TRAF3IP2: variants seen among roughly 807,000 people sequenced by gnomAD.
The protein encoded by TRAF3IP2 is TRAF3 interacting protein 2, also known as E3 ubiquitin ligase TRAF3IP2.
A neutral mutation model predicts 57.9 loss-of-function variants in TRAF3IP2; 35 were observed. The ratio of observed to expected loss-of-function variants is 0.60; its 90% CI spans 0.46 to 0.80. The LOEUF (loss-of-function observed/expected upper bound fraction) is 0.80, where lower values mean the gene tolerates loss of function less well. Ranked by LOEUF, TRAF3IP2 falls within the 30% of genes least tolerant of loss-of-function variation. TRAF3IP2 has a pLI of 0.00. For missense variants in TRAF3IP2, 556 were observed against 706.4 expected, an observed-to-expected ratio of 0.79 and a Z score of 2.41; for synonymous variants, 251 against 268.9, an observed-to-expected ratio of 0.93 and a Z score of 0.65.
At chr6:111,595,843 A>AAGG (rs1198511657) in intron 1 of TRAF3IP2, among the ~76,000 whole-genome samples, 3 of 151,890 alleles carry the variant, frequency 2.0e-5, no homozygotes, top group Non-Finnish European at 4.4e-5. Context: ...AAAAAAAAAA[A>AAGG]AGGAGGTATG....
intron 4 of TRAF3IP2, 144 bp from the exon 5 acceptor site, chr6:111,573,127 A>T: frequency 1.5e-6 from 1 of 662,822 alleles, no homozygotes; most frequent in South Asian, 1.9e-5. Context: ...GCTTATGCCT[A>T]CGTTGTATGC....
chr6:111,567,020 A>G, intron 6 of TRAF3IP2: 1 of 219,614 alleles, frequency 4.6e-6, no homozygotes, highest in Non-Finnish European at 8.2e-6. Flanking sequence ...AGCAAACATC[A>G]GGCTGCAGAC....
intron 1 of TRAF3IP2, among the ~76,000 whole-genome samples, chr6:111,603,111 CAA>C (rs1000777534): frequency 1.1e-4 from 15 of 142,820 alleles, no homozygotes; most frequent in African/African-American, 3.1e-4. Flanking sequence ...CACACACACA[CAA>C]GGCGTGCACA....
chr6:111,572,829 C>T (rs757147376), intron 5 of TRAF3IP2, 66 bp downstream of exon 5: 3 of 1,260,214 alleles, frequency 2.4e-6, no homozygotes, highest in Admixed American at 1.8e-5. Context: ...ACTTTTTCTT[C>T]TGCTGCTTTT....
At chr6:111,562,338 T>C (rs1489354255) in intron 8 of TRAF3IP2, among the ~76,000 whole-genome samples, 1 of 152,246 alleles carries the variant, frequency 6.6e-6, no homozygotes, top group Non-Finnish European at 1.5e-5. Context: ...ATCTTGACTT[T>C]TATGTACAAG....
At chr6:111,594,616 A>G in intron 1 of TRAF3IP2, 1 of 388,272 alleles carries the variant, frequency 2.6e-6, no homozygotes, top group Non-Finnish European at 5.1e-6. Context: ...GGAATTCTTC[A>G]GTTAAAACTG....
intron 1 of TRAF3IP2, among the ~76,000 whole-genome samples, chr6:111,604,346 C>A (rs1583252649): frequency 6.6e-6 from 1 of 152,204 alleles, no homozygotes; most frequent in Non-Finnish European, 1.5e-5. Flanking sequence ...AGTTTCCCTT[C>A]CCCTCCCATT....
rs1325434729 is a variant in TRAF3IP2 at position 111,559,186 on chromosome 6, A to G, written c.*219T>C. 7.9e-6 allele frequency: 4 copies of G among 503,528 alleles called. No individual in the cohort carries two copies. The highest frequency in any genetic ancestry group is 1.4e-5 in the Non-Finnish European group (4 of 293,974). The allele number at this position is 503,528 out of a possible 1,614,324, so 31.2% of individuals were successfully genotyped here. A position where few individuals can be genotyped will look rare whatever the true frequency, so the allele number is the denominator to read the frequency against. On this transcript the variant is annotated 3_prime_UTR_variant, in exon 9 of 9. Coordinates refer to ENST00000368761, the MANE Select transcript of TRAF3IP2 (RefSeq NM_147686.4). ...CACCTGCAATGGTTTTTTTAAAAGC[A>G]GAGAATGCAGAGCAGTCACAGACTC...
chr6:111,603,812 C>G (rs1014388681), intron 1 of TRAF3IP2, among the ~76,000 whole-genome samples: 1 of 152,176 alleles, frequency 6.6e-6, no homozygotes, highest in African/African-American at 2.4e-5. Flanking sequence ...TTACTCAGAC[C>G]TCACTTCTGT....
chr6:111,574,688 C>T (rs975180696), intron 4 of TRAF3IP2: 2 of 152,172 alleles, frequency 1.3e-5, no homozygotes, highest in African/African-American at 4.8e-5. Context: ...CCCAATACCA[C>T]ATGGACATCC....
intron 4 of TRAF3IP2, chr6:111,574,503 A>C (rs190901994): frequency 6.6e-6 from 1 of 152,382 alleles, no homozygotes; most frequent in East Asian, 1.9e-4. Context: ...AAAAAGAATC[A>C]TCACCTTACG....
chr6:111,602,611 G>T (rs905058154), intron 1 of TRAF3IP2, among the ~76,000 whole-genome samples: 2 of 152,114 alleles, frequency 1.3e-5, no homozygotes, highest in Non-Finnish European at 2.9e-5. Context: ...TATGAGAAGG[G>T]GCAGTTGGAA....
intron 1 of TRAF3IP2, among the ~76,000 whole-genome samples, chr6:111,605,084 C>CT (rs1796977197): frequency 9.0e-6 from 1 of 111,246 alleles, no homozygotes; most frequent in Non-Finnish European, 2.3e-5. Flanking sequence ...TCTCCTGTTC[C>CT]TTTAAAAAAA....
Position 111,581,103 on chromosome 6 carries a change from C to G in TRAF3IP2, c.830-714G>C, listed in dbSNP as rs1180238427. ...GGGAGAAAGTGGGTCCCAGCCAGGA[C>G]CAGGAGCAGGAGGGTCCCCAGGGAA... On this transcript the variant is annotated intron_variant, in intron 2 of 8. Transcript: ENST00000368761. Among the ~76,000 whole-genome samples, 3 of 152,204 alleles carry G rather than the reference C, an allele frequency of 2.0e-5. No individual in the cohort carries two copies. The East Asian group carries it at 5.8e-4, about 29-fold the overall frequency.
intron 5 of TRAF3IP2, among the ~76,000 whole-genome samples, chr6:111,570,245 T>G (rs764373400): frequency 6.6e-6 from 1 of 152,208 alleles, no homozygotes; most frequent in Non-Finnish European, 1.5e-5. Flanking sequence ...AATAAATTTC[T>G]ACGCTTAAGC....
chr6:111,567,555 T>C, intron 6 of TRAF3IP2, 69 bp downstream of exon 6: 1 of 1,517,004 alleles, frequency 6.6e-7, no homozygotes, highest in Non-Finnish European at 8.9e-7. Context: ...GTTTCTTTAA[T>C]AAAACAACTT....
At chr6:111,566,215 C>T (rs963240593) in intron 7 of TRAF3IP2, among the ~76,000 whole-genome samples, 5 of 152,198 alleles carry the variant, frequency 3.3e-5, no homozygotes, top group African/African-American at 1.2e-4. Context: ...ATTGCTCTCC[C>T]CTTGCAACTG....
intron 1 of TRAF3IP2, among the ~76,000 whole-genome samples, chr6:111,592,323 A>C (rs1224284481): frequency 2.0e-5 from 3 of 152,236 alleles, no homozygotes; most frequent in Non-Finnish European, 4.4e-5. Context: ...ATGTGATTGG[A>C]CCATCCTGTG....
intron 1 of TRAF3IP2, chr6:111,601,714 C>T (rs1796870336): frequency 1.3e-5 from 2 of 152,274 alleles, no homozygotes; most frequent in African/African-American, 4.8e-5. Flanking sequence ...TTCAGGTGGA[C>T]ATTAAAAAGA....
Sources: gnomAD v4.1 joint callset for allele counts (sites outside exome capture counted in the v4.1 genomes callset) on GRCh38, gnomAD v4.1.1 for gene constraint, MANE v1.5 for transcripts, NCBI Gene and HGNC (gene_info 2026-07-23, HGNC 2026-07-21) for gene names.